SCN8A: variants seen among roughly 807,000 people sequenced by gnomAD.
The protein encoded by SCN8A is sodium channel protein type 8 subunit alpha.
Under a neutral mutation model 184.1 loss-of-function variants are expected in SCN8A, and 30 were observed. That is an observed-to-expected ratio of 0.16 (90% CI 0.12 to 0.22). The LOEUF is 0.22. SCN8A is among the 10% of genes least tolerant of loss of function. The pLI is 1.00. For missense variants in SCN8A, 1,057 were observed against 2,498.9 expected (o/e 0.42, Z 12.30); for synonymous variants, 852 against 907.0 (o/e 0.94, Z 1.09).
intron 1 of SCN8A, among the ~76,000 whole-genome samples, chr12:51,634,656 AT>A (rs10639290): frequency 9.5e-5 from 13 of 136,626 alleles, no homozygotes; most frequent in African/African-American, 1.4e-4. Context: ...TATTATTATT[AT>A]TTTTTTTTTT....
At chr12:51,698,140 T>C (rs1048721659) in intron 6 of SCN8A, among the ~76,000 whole-genome samples, 9 of 152,278 alleles carry the variant, frequency 5.9e-5, no homozygotes, top group Non-Finnish European at 1.2e-4. Context: ...AGGGGTGACC[T>C]ACTGCTCCCA....
rs146745612 is a variant in SCN8A, at chr12:51,724,247, A to T, written c.1998+2339A>T. The stretch of plus-strand genomic sequence containing the variant: ...GATCACCTGAGGTCTGGAGTTTGAG[A>T]CCAGGCTGGCCAACATGGCAAAACC... On this transcript the variant is annotated intron_variant, in intron 12 of 26. Transcript: ENST00000627620. Among the ~76,000 whole-genome samples, 37 of 152,312 alleles carry T rather than the reference A, an allele frequency of 2.4e-4. No individual in the cohort carries two copies. In the East Asian group the frequency reaches 6.8e-3, roughly 28 times the overall value.
At chr12:51,676,939 G>A (rs187335445) in intron 2 of SCN8A, among the ~76,000 whole-genome samples, 1 of 152,238 alleles carries the variant, frequency 6.6e-6, no homozygotes, top group Non-Finnish European at 1.5e-5. Flanking sequence ...CAGCAAACCA[G>A]GGAATGGATA....
At chr12:51,638,005 A>G (rs779557046) in intron 1 of SCN8A, among the ~76,000 whole-genome samples, 4 of 152,154 alleles carry the variant, frequency 2.6e-5, no homozygotes, top group Non-Finnish European at 5.9e-5. Context: ...CATTCTGAAA[A>G]TGGTAATTAA....
At chr12:51,734,869 G>A (rs1942299471) in intron 12 of SCN8A, among the ~76,000 whole-genome samples, 1 of 152,214 alleles carries the variant, frequency 6.6e-6, no homozygotes, top group Admixed American at 6.5e-5. Flanking sequence ...GAGCTTCCAA[G>A]TGTTTTTATC....
intron 11 of SCN8A, among the ~76,000 whole-genome samples, chr12:51,711,616 A>C (rs544754485): frequency 1.3e-5 from 2 of 151,872 alleles, no homozygotes; most frequent in African/African-American, 4.8e-5. Flanking sequence ...GTACATGATC[A>C]TCTCTTCTGT....
Position 51,794,359 on chromosome 12 carries a change from C to T in SCN8A, c.4525-12C>T, listed in dbSNP as rs1036229741. 1.2e-6 allele frequency: 2 copies of T among 1,602,372 alleles called. No homozygotes were observed. Among genetic ancestry groups the T allele is most frequent in the African/African-American group, 1.3e-5 (1 of 74,530 alleles). ...CATGAATCTTTTATCTTTTCCTTCCCTTCCTCCCCAGAACAAAATCCAAGG... is the reference window on the plus strand; with the variant it reads ...CATGAATCTTTTATCTTTTCCTTCCTTTCCTCCCCAGAACAAAATCCAAGG... On this transcript the variant is annotated splice_polypyrimidine_tract_variant and intron_variant, in intron 25 of 26. Transcript: ENST00000627620.
chr12:51,620,467 C>T (rs1360978965), intron 1 of SCN8A, among the ~76,000 whole-genome samples: 1 of 151,992 alleles, frequency 6.6e-6, no homozygotes, highest in African/African-American at 2.4e-5. Context: ...TTCAAATAGT[C>T]ATCTTTAATT....
At chr12:51,730,904 A>T in intron 12 of SCN8A, among the ~76,000 whole-genome samples, 1 of 152,196 alleles carries the variant, frequency 6.6e-6, no homozygotes, top group South Asian at 2.1e-4. Flanking sequence ...TCTACTTTCT[A>T]TCCTCAGGAG....
At chr12:51,619,473 T>C (rs1939915704) in intron 1 of SCN8A, among the ~76,000 whole-genome samples, 1 of 152,252 alleles carries the variant, frequency 6.6e-6, no homozygotes, top group South Asian at 2.1e-4. Context: ...CATTTAAAAC[T>C]GTTAATAGCA....
chr12:51,716,791 A>G (rs1379414026), intron 11 of SCN8A, among the ~76,000 whole-genome samples: 3 of 152,180 alleles, frequency 2.0e-5, no homozygotes, highest in African/African-American at 7.2e-5. Flanking sequence ...TTGTACGCTG[A>G]ACCTCAGTGT....
intron 1 of SCN8A, among the ~76,000 whole-genome samples, chr12:51,632,567 C>T (rs968340): frequency 0.84 from 127,102 of 152,136 alleles, 53,834 homozygotes; most frequent in East Asian, 0.99. Flanking sequence ...AAGCATTGTC[C>T]ACAACCTAGG....
intron 1 of SCN8A, among the ~76,000 whole-genome samples, chr12:51,609,183 C>T (rs1016842902): frequency 5.3e-5 from 8 of 152,124 alleles, no homozygotes; most frequent in Admixed American, 5.2e-4. Context: ...AAGTTCTATA[C>T]ATTGTTGAAT....
chr12:51,712,837 C>G, intron 11 of SCN8A: 2 of 1,293,968 alleles, frequency 1.5e-6, no homozygotes, highest in Non-Finnish European at 2.2e-6. Flanking sequence ...ATAACTACCT[C>G]TGCTGCCACC....
At chr12:51,599,033 G>A (rs183471252) in intron 1 of SCN8A, among the ~76,000 whole-genome samples, 2 of 152,168 alleles carry the variant, frequency 1.3e-5, no homozygotes, top group East Asian at 3.9e-4. Flanking sequence ...TTGCTTTTAG[G>A]GTTTTCCTTA....
intron 1 of SCN8A, among the ~76,000 whole-genome samples, chr12:51,593,184 G>T (rs1223613048): frequency 6.6e-6 from 1 of 152,182 alleles, no homozygotes; most frequent in Non-Finnish European, 1.5e-5. Context: ...TGGTGAGGTG[G>T]TGGTTGTGGG....
intron 1 of SCN8A, among the ~76,000 whole-genome samples, chr12:51,638,661 A>G (rs776770405): frequency 2.0e-5 from 3 of 151,864 alleles, no homozygotes; most frequent in Non-Finnish European, 2.9e-5. Context: ...TAATTTTTGT[A>G]TTTTTAGTAG....
Position 51,667,473 on chromosome 12 carries a change from C to T in SCN8A, c.276+4380C>T, listed in dbSNP as rs536429104. 1.1e-4 allele frequency among the ~76,000 whole-genome samples: 17 copies of T among 151,996 alleles called. 1 individual carries two copies. In the South Asian group the frequency reaches 3.5e-3, roughly 32 times the overall value. ...CCTCCTGGGCAACCTCCATCTCTGT[C>T]TCCCAAGTAGCTAGGATCATACGCA... On this transcript the variant is annotated intron_variant, in intron 2 of 26. Coordinates refer to ENST00000627620, the MANE Select transcript of SCN8A (RefSeq NM_001330260.2).
At chr12:51,623,094 G>C (rs1255645250) in intron 1 of SCN8A, among the ~76,000 whole-genome samples, 1 of 152,056 alleles carries the variant, frequency 6.6e-6, no homozygotes, top group African/African-American at 2.4e-5. Flanking sequence ...ATTAGAAGAT[G>C]TTCCAGGTTC....
Sources: gnomAD v4.1 joint callset for allele counts (sites outside exome capture counted in the v4.1 genomes callset) on GRCh38, gnomAD v4.1.1 for gene constraint, MANE v1.5 for transcripts, NCBI Gene and HGNC (gene_info 2026-07-23, HGNC 2026-07-21) for gene names.